Variants in INTS9 observed in about 807,000 individuals in gnomAD.
INTS9 encodes integrator complex subunit 9.
Under a neutral mutation model 79.7 loss-of-function variants are expected in INTS9, and 55 were observed. The ratio of observed to expected loss-of-function variants is 0.69; its 90% CI spans 0.56 to 0.86. INTS9 has a LOEUF of 0.86. Ranked by LOEUF, INTS9 falls within the 40% of genes least tolerant of loss-of-function variation. The probability of loss-of-function intolerance (pLI) is 0.00; values close to 1 mark genes in which losing one functional copy is unlikely to be tolerated. For synonymous variants in INTS9, 319 were observed against 325.2 expected (o/e 0.98, Z 0.20); for missense variants, 721 against 831.5 (o/e 0.87, Z 1.64).
At chr8:28,780,711 T>C (rs562505197) in intron 12 of INTS9, 112 bp downstream of exon 12, 2 of 1,510,722 alleles carry the variant, frequency 1.3e-6, no homozygotes, top group South Asian at 1.3e-5. Context: ...TAGAACAATG[T>C]TTGTATTTAT....
intron 6 of INTS9, among the ~76,000 whole-genome samples, chr8:28,816,739 A>G (rs1333698038): frequency 6.9e-6 from 1 of 145,838 alleles, no homozygotes; most frequent in Non-Finnish European, 1.5e-5. Flanking sequence ...ACTGACTTCC[A>G]CAATGGTTGA....
intron 13 of INTS9, among the ~76,000 whole-genome samples, chr8:28,776,468 T>C (rs1802897029): frequency 6.6e-6 from 1 of 151,902 alleles, no homozygotes; most frequent in African/African-American, 2.4e-5. Flanking sequence ...AATGTCTCTT[T>C]TTGTTATCTT....
intron 12 of INTS9, among the ~76,000 whole-genome samples, chr8:28,778,403 A>C (rs1229586591): frequency 9.9e-5 from 15 of 152,240 alleles, no homozygotes; most frequent in Non-Finnish European, 8.8e-5. Context: ...GTACTGATTT[A>C]ATACAATGGG....
At chr8:28,867,531 TAA>T (rs766435433) in intron 1 of INTS9, among the ~76,000 whole-genome samples, 83 of 117,316 alleles carry the variant, frequency 7.1e-4, no homozygotes, top group Non-Finnish European at 7.1e-4. Flanking sequence ...GAGCTGAGAT[TAA>T]AAAAAAAAAA....
chr8:28,889,693 G>T (rs776710950), intron 1 of INTS9, 181 bp downstream of exon 1: 14 of 612,720 alleles, frequency 2.3e-5, no homozygotes, highest in South Asian at 2.0e-4. Flanking sequence ...GGGATGGGGT[G>T]GGGGAGAGGG....
At chr8:28,809,753 AGAT>A (rs1805003976) in intron 8 of INTS9, among the ~76,000 whole-genome samples, 1 of 152,218 alleles carries the variant, frequency 6.6e-6, no homozygotes, top group African/African-American at 2.4e-5. Flanking sequence ...TCAATGAAGC[AGAT>A]GATGGTGACA....
rs548594854 is a variant in INTS9 at position 28,806,456 on chromosome 8, A to G, written c.744+5871T>C. 3.3e-5 allele frequency among the ~76,000 whole-genome samples: 5 copies of G among 152,354 alleles called. No homozygotes were observed. The South Asian group carries it at 6.2e-4, about 19-fold the overall frequency. On this transcript the variant is annotated intron_variant, in intron 8 of 16. Coordinates refer to ENST00000521022, the MANE Select transcript of INTS9 (RefSeq NM_018250.4). ...GGCAAACTACAGTGAGAAACAGATAAATCAACAACTAACACACCCTTTTCA... is the reference window on the plus strand; with the variant it reads ...GGCAAACTACAGTGAGAAACAGATAGATCAACAACTAACACACCCTTTTCA...
chr8:28,880,186 C>T (rs2131371011), intron 1 of INTS9, among the ~76,000 whole-genome samples: 1 of 152,136 alleles, frequency 6.6e-6, no homozygotes, highest in East Asian at 1.9e-4. Context: ...TCTCATTATG[C>T]TTGCCTTTAT....
chr8:28,847,431 C>T (rs2131241483), intron 3 of INTS9, among the ~76,000 whole-genome samples: 1 of 152,066 alleles, frequency 6.6e-6, no homozygotes, highest in East Asian at 1.9e-4. Flanking sequence ...ACCTCCTCCA[C>T]TACCACGACT....
intron 1 of INTS9, among the ~76,000 whole-genome samples, chr8:28,861,793 C>T (rs1808475403): frequency 6.6e-6 from 1 of 152,264 alleles, no homozygotes; most frequent in Non-Finnish European, 1.5e-5. Context: ...ACTTTTGTTA[C>T]TGTCCTTAAA....
At chr8:28,838,861 C>G (rs1367536064) in intron 4 of INTS9, among the ~76,000 whole-genome samples, 1 of 152,164 alleles carries the variant, frequency 6.6e-6, no homozygotes, top group African/African-American at 2.4e-5. Flanking sequence ...ACACACAACA[C>G]CTCAAAGTAG....
chr8:28,788,327 A>G (rs1381571645), intron 10 of INTS9, among the ~76,000 whole-genome samples: 1 of 152,194 alleles, frequency 6.6e-6, no homozygotes, highest in Non-Finnish European at 1.5e-5. Context: ...TTTCTGTTCC[A>G]GGATCCAATC....
In INTS9 at chr8:28,796,556, A is replaced by G. The variant is rs1217385095; in HGVS notation, c.844T>C (p.Cys282Arg). ...ANPDGMVGEF[C>R]SNLALTVRNG... Reference sequence around the variant, plus strand: ...GACGGTTGCACACCTAGGTTGCTGCAGAACTCTCCCACCATTCCATCTGGG... The same window carrying G: ...GACGGTTGCACACCTAGGTTGCTGCGGAACTCTCCCACCATTCCATCTGGG... Residue 282 changes from cysteine (C) to arginine (R), a missense_variant, in exon 9 of 17, where the codon TGC (cysteine) becomes CGC (arginine). By Grantham distance (180) the Cys-to-Arg change is radical. Transcript: ENST00000521022. 8 of 1,607,288 alleles carry G rather than the reference A, an allele frequency of 5.0e-6. No individual in the cohort carries two copies. Among genetic ancestry groups the G allele is most frequent in the Non-Finnish European group, 6.8e-6 (8 of 1,173,744 alleles).
At chr8:28,885,908 C>A (rs1458521614) in intron 1 of INTS9, among the ~76,000 whole-genome samples, 1 of 152,048 alleles carries the variant, frequency 6.6e-6, no homozygotes, top group African/African-American at 2.4e-5. Flanking sequence ...ACTGAAAATG[C>A]CAATGAGTTT....
At chr8:28,864,884 G>T (rs758025179) in intron 1 of INTS9, among the ~76,000 whole-genome samples, 7 of 151,736 alleles carry the variant, frequency 4.6e-5, no homozygotes, top group Non-Finnish European at 8.8e-5. Flanking sequence ...TACCCGGGAG[G>T]CTGAGGCAGG....
At chr8:28,840,061 C>T (rs1186054635) in intron 4 of INTS9, among the ~76,000 whole-genome samples, 28 of 145,918 alleles carry the variant, frequency 1.9e-4, no homozygotes, top group African/African-American at 7.1e-4. Flanking sequence ...GGGCTAATAT[C>T]CAGAATCTAC....
At chr8:28,790,884 C>T (rs1803884027) in intron 10 of INTS9, among the ~76,000 whole-genome samples, 1 of 152,184 alleles carries the variant, frequency 6.6e-6, no homozygotes, top group South Asian at 2.1e-4. Context: ...TTCACCTGCA[C>T]ATCCCCTGCC....
At chr8:28,857,341 G>C (rs1258845743) in intron 2 of INTS9, among the ~76,000 whole-genome samples, 2 of 152,294 alleles carry the variant, frequency 1.3e-5, no homozygotes, top group East Asian at 3.9e-4. Context: ...ATGGAGGTCA[G>C]TGCTGCTGAA....
intron 6 of INTS9, among the ~76,000 whole-genome samples, chr8:28,814,272 G>C (rs1380997597): frequency 7.5e-6 from 1 of 133,668 alleles, no homozygotes; most frequent in Non-Finnish European, 1.6e-5. Flanking sequence ...AAACAACACT[G>C]AACAGGGCTT....
Sources: gnomAD v4.1 joint callset for allele counts (sites outside exome capture counted in the v4.1 genomes callset) on GRCh38, gnomAD v4.1.1 for gene constraint, MANE v1.5 for transcripts, NCBI Gene and HGNC (gene_info 2026-07-23, HGNC 2026-07-21) for gene names.